CDC25C: variants seen among roughly 807,000 people sequenced by gnomAD.
CDC25C encodes the protein M-phase inducer phosphatase 3.
Under a neutral mutation model 52.5 loss-of-function variants are expected in CDC25C, and 48 were observed. The observed-to-expected ratio is 0.91, with a 90% CI of 0.72 to 1.16. CDC25C has a LOEUF of 1.16. CDC25C is among the 50% of genes most tolerant of loss of function. The pLI is 0.00. For synonymous variants in CDC25C, 187 were observed against 206.5 expected (o/e 0.91, Z 0.81); for missense variants, 510 against 566.1 (o/e 0.90, Z 1.01).
At position 138,285,590 on chromosome 5, in the gene CDC25C, C is replaced by A. The variant is rs1756137455; in HGVS notation, c.*102G>T. On this transcript the variant is annotated 3_prime_UTR_variant, in exon 14 of 14. Coordinates refer to ENST00000323760, the MANE Select transcript of CDC25C (RefSeq NM_001790.5). Reference sequence around the variant, plus strand: ...GTAGCCTGTTGGTTTGCAGAGACATCTTTTAATAATCTTGGGTTTGGCCAT... The same window carrying A: ...GTAGCCTGTTGGTTTGCAGAGACATATTTTAATAATCTTGGGTTTGGCCAT... The A allele has an allele frequency of 9.2e-7, 1 of 1,090,020 alleles. No individual in the cohort carries two copies. The highest frequency in any genetic ancestry group is 2.4e-5 in the East Asian group (1 of 42,368). 67.5% of individuals were successfully genotyped at this position (1,090,020 alleles called of 1,614,324 possible).
intron 7 of CDC25C, among the ~76,000 whole-genome samples, chr5:138,309,867 C>T (rs1424118744): frequency 4.6e-5 from 7 of 151,818 alleles, no homozygotes; most frequent in South Asian, 2.1e-4. Flanking sequence ...CCACCAAACC[C>T]GGCTAATTTT....
At chr5:138,293,795 C>CA (rs1756936548) in intron 7 of CDC25C, among the ~76,000 whole-genome samples, 1 of 151,690 alleles carries the variant, frequency 6.6e-6, no homozygotes, top group Non-Finnish European at 1.5e-5. Flanking sequence ...TACAGATGCG[C>CA]ATCACCATGC....
At chr5:138,329,072 C>A (rs1186132493) in intron 3 of CDC25C, among the ~76,000 whole-genome samples, 2 of 152,014 alleles carry the variant, frequency 1.3e-5, no homozygotes, top group African/African-American at 2.4e-5. Flanking sequence ...GCCAAACTAA[C>A]TTTTGTATTT....
upstream of CDC25C, among the ~76,000 whole-genome samples, chr5:138,334,756 C>G (rs1182026585): frequency 1.3e-5 from 2 of 152,172 alleles, no homozygotes; most frequent in East Asian, 3.8e-4. Context: ...TTGCAACATA[C>G]TTAGCTAATT....
intron 3 of CDC25C, 111 bp from the exon 4 acceptor site, chr5:138,328,640 GC>G: frequency 1.2e-6 from 1 of 862,136 alleles, no homozygotes; most frequent in Non-Finnish European, 2.0e-6. Flanking sequence ...CAAGGACTGA[GC>G]TTTTGAATAC....
intron 6 of CDC25C, among the ~76,000 whole-genome samples, chr5:138,321,776 A>C (rs1438725784): frequency 1.7e-4 from 25 of 149,146 alleles, no homozygotes; most frequent in East Asian, 5.8e-4. Context: ...AAAAAAAAAA[A>C]AAAAAACCAT....
At chr5:138,305,765 T>G (rs1258657915) in intron 7 of CDC25C, among the ~76,000 whole-genome samples, 3 of 152,196 alleles carry the variant, frequency 2.0e-5, no homozygotes, top group Non-Finnish European at 4.4e-5. Context: ...ACATACTGTT[T>G]CAGTAAAATC....
chr5:138,296,026 A>G (rs2126681760), intron 7 of CDC25C, among the ~76,000 whole-genome samples: 2 of 152,156 alleles, frequency 1.3e-5, no homozygotes, highest in Middle Eastern at 6.8e-3. Context: ...TGGCCTACAC[A>G]CTCTTGAGTA....
chr5:138,292,111 G>C lies in CDC25C; in HGVS notation c.621C>G (p.Ser207Arg). The change falls in exon 8 of 14, where the codon AGC becomes AGG. Residue 207 changes from serine to arginine, a missense_variant. Transcript: ENST00000323760. ...FSLKDQEAKV[S>R]RSGLYRSPSM... ...ACGGGGAGCGATATAGGCCACTTCT[G>C]CTCACCTGTTTGGGAATATTAAACC... 6.2e-7 allele frequency: 1 copy of C among 1,610,730 alleles called. No individual in the cohort carries two copies. Among genetic ancestry groups the C allele is most frequent in the Non-Finnish European group, 8.5e-7 (1 of 1,178,386 alleles).
chr5:138,321,750 CAAAAAAAAAAAAAAA>C (rs531353746), intron 6 of CDC25C, among the ~76,000 whole-genome samples: 12 of 47,170 alleles, frequency 2.5e-4, no homozygotes, highest in African/African-American at 5.2e-4. Flanking sequence ...GACTCTGTCT[CAAAAAAAAAAAAAAA>C]AAAAAAAAAA....
At chr5:138,287,064 T>A in intron 11 of CDC25C, 105 bp downstream of exon 11, 1 of 726,754 alleles carries the variant, frequency 1.4e-6, no homozygotes, top group Non-Finnish European at 2.3e-6. Flanking sequence ...AAATATGTAA[T>A]CTTTGTCCTG....
rs559351550 is a variant in CDC25C, at chr5:138,285,522, C to A, written c.*170G>T. On this transcript the variant is annotated 3_prime_UTR_variant, in exon 14 of 14. Coordinates refer to ENST00000323760, the MANE Select transcript of CDC25C (RefSeq NM_001790.5). ...CCAGGACTCTGCCACCAGCTTTCAG[C>A]TCTGCTGAAACCTAATCCATTCCCA... 40 of 679,664 alleles carry A rather than the reference C, an allele frequency of 5.9e-5. No individual in the cohort carries two copies. The highest frequency in any genetic ancestry group is 8.4e-4 in the Middle Eastern group (2 of 2,376). 42.1% of individuals were successfully genotyped at this position (679,664 alleles called of 1,614,324 possible).
chr5:138,319,941 G>A (rs1408617070), intron 6 of CDC25C, among the ~76,000 whole-genome samples: 2 of 152,198 alleles, frequency 1.3e-5, no homozygotes, highest in African/African-American at 2.4e-5. Flanking sequence ...TAGCATGGCA[G>A]TTCCTCAAAA....
At chr5:138,324,422 A>C (rs1759690242) in intron 6 of CDC25C, among the ~76,000 whole-genome samples, 1 of 152,132 alleles carries the variant, frequency 6.6e-6, no homozygotes, top group African/African-American at 2.4e-5. Context: ...TAGGCAACAT[A>C]GTGAGACCCT....
At chr5:138,303,195 C>T (rs1484731014) in intron 7 of CDC25C, among the ~76,000 whole-genome samples, 6 of 152,152 alleles carry the variant, frequency 3.9e-5, no homozygotes, top group African/African-American at 1.4e-4. Flanking sequence ...ACATCATACT[C>T]AATGTATAAA....
chr5:138,313,995 C>CTTTCTTTCTTTCTTTCTTTCTT (rs1554117939), intron 7 of CDC25C, among the ~76,000 whole-genome samples: 1 of 112,676 alleles, frequency 8.9e-6, no homozygotes, highest in African/African-American at 3.3e-5. Context: ...TTCTTTCTTT[C>CTTTCTTTCTTTCTTTCTTTCTT]TTTTTTTTTT....
At chr5:138,285,918 G>T in intron 13 of CDC25C, 77 bp from the exon 14 acceptor site, 1 of 1,546,188 alleles carries the variant, frequency 6.5e-7, no homozygotes, top group African/African-American at 1.4e-5. Flanking sequence ...AGATGCTGCT[G>T]CTGGCAGTGG....
chr5:138,329,838 C>T (rs1279305182), intron 2 of CDC25C, among the ~76,000 whole-genome samples, 191 bp from the exon 3 acceptor site: 6 of 145,858 alleles, frequency 4.1e-5, no homozygotes, highest in Non-Finnish European at 7.4e-5. Flanking sequence ...TCAAGCGATT[C>T]TCCTGCCTCA....
chr5:138,331,836 C>T, upstream of CDC25C: 2 of 985,876 alleles, frequency 2.0e-6, no homozygotes, highest in South Asian at 4.7e-5. Flanking sequence ...CCATTCAAAC[C>T]TTCCGCCAGC....
Sources: gnomAD v4.1 joint callset for allele counts (sites outside exome capture counted in the v4.1 genomes callset) on GRCh38, gnomAD v4.1.1 for gene constraint, MANE v1.5 for transcripts, NCBI Gene and HGNC (gene_info 2026-07-23, HGNC 2026-07-21) for gene names.